Variants in TSPAN18 observed in about 807,000 individuals in gnomAD.
TSPAN18 encodes tetraspanin 18.
In TSPAN18, 14 loss-of-function variants were observed where a neutral mutation model predicts 27.3. The ratio of observed to expected loss-of-function variants is 0.51; its 90% CI spans 0.34 to 0.80. The LOEUF (loss-of-function observed/expected upper bound fraction) is 0.80. Ranked by LOEUF, TSPAN18 falls within the 30% of genes least tolerant of loss-of-function variation. TSPAN18 has a pLI of 0.01. For missense variants in TSPAN18, 268 were observed against 323.9 expected, an observed-to-expected ratio of 0.83 and a Z score of 1.32; for synonymous variants, 143 against 136.5, an observed-to-expected ratio of 1.05 and a Z score of -0.33.
chr11:44,807,818 C>T (rs899226593), intron 2 of TSPAN18, among the ~76,000 whole-genome samples: 1 of 152,202 alleles, frequency 6.6e-6, no homozygotes, highest in African/African-American at 2.4e-5. Flanking sequence ...TGTGGCCCAG[C>T]TGAACATCCC....
At chr11:44,816,503 C>T (rs759214063) in intron 2 of TSPAN18, among the ~76,000 whole-genome samples, 1 of 152,132 alleles carries the variant, frequency 6.6e-6, no homozygotes, top group Non-Finnish European at 1.5e-5. Flanking sequence ...GACACCAGGC[C>T]CTGGTGCTCA....
chr11:44,744,637 G>T (rs1343689048), intron 1 of TSPAN18, among the ~76,000 whole-genome samples: 1 of 152,220 alleles, frequency 6.6e-6, no homozygotes, highest in Admixed American at 6.5e-5. Context: ...ACAAGCCAGG[G>T]TTGGGATAAA....
At chr11:44,853,309 G>A (rs1317582668) in intron 2 of TSPAN18, among the ~76,000 whole-genome samples, 5 of 152,114 alleles carry the variant, frequency 3.3e-5, no homozygotes, top group Non-Finnish European at 5.9e-5. Context: ...GTGGGGAGAA[G>A]GGAGGGGCCT....
At chr11:44,864,002 A>G (rs758019436) in intron 3 of TSPAN18, among the ~76,000 whole-genome samples, 7 of 152,016 alleles carry the variant, frequency 4.6e-5, no homozygotes, top group Non-Finnish European at 1.0e-4. Flanking sequence ...AAACTTGGTG[A>G]TGGGGACCGG....
chr11:44,798,388 A>G (rs1237479794), intron 2 of TSPAN18, among the ~76,000 whole-genome samples: 1 of 152,150 alleles, frequency 6.6e-6, no homozygotes, highest in Non-Finnish European at 1.5e-5. Flanking sequence ...GGAAAGCAAG[A>G]CTTGGAGGAT....
chr11:44,882,026 A>G (rs1216870037), intron 3 of TSPAN18, among the ~76,000 whole-genome samples: 2 of 152,130 alleles, frequency 1.3e-5, no homozygotes, highest in African/African-American at 2.4e-5. Flanking sequence ...AGTGTGGCCC[A>G]TCTTCTTAGG....
At chr11:44,831,903 G>A (rs1857162224) in intron 2 of TSPAN18, among the ~76,000 whole-genome samples, 1 of 152,154 alleles carries the variant, frequency 6.6e-6, no homozygotes, top group African/African-American at 2.4e-5. Flanking sequence ...ATGAAATGGA[G>A]GGAGCTGAGC....
At chr11:44,888,389 C>T (rs1210083794) in intron 3 of TSPAN18, among the ~76,000 whole-genome samples, 4 of 152,108 alleles carry the variant, frequency 2.6e-5, no homozygotes, top group South Asian at 2.1e-4. Context: ...TCCTGGCACA[C>T]GTGAAGCAGG....
intron 3 of TSPAN18, among the ~76,000 whole-genome samples, chr11:44,869,540 C>T (rs781347288): frequency 1.3e-5 from 2 of 152,234 alleles, no homozygotes; most frequent in African/African-American, 4.8e-5. Context: ...ACATGTCCCA[C>T]GTCCAATAGT....
At chr11:44,809,423 C>A (rs1670317) in intron 2 of TSPAN18, among the ~76,000 whole-genome samples, 50,752 of 152,024 alleles carry the variant, frequency 0.33, 9,103 homozygotes, top group East Asian at 0.68. Flanking sequence ...CAAAAGGATT[C>A]AAATCTGAAA....
intron 3 of TSPAN18, among the ~76,000 whole-genome samples, chr11:44,895,865 C>A (rs1353251916): frequency 1.3e-5 from 2 of 152,188 alleles, no homozygotes; most frequent in Non-Finnish European, 2.9e-5. Context: ...AAACCCATCA[C>A]CCCGTCCTTG....
intron 3 of TSPAN18, among the ~76,000 whole-genome samples, chr11:44,894,000 T>C (rs1396403269): frequency 6.6e-6 from 1 of 152,144 alleles, no homozygotes. Flanking sequence ...TGATTGAGTC[T>C]CACTAGACTT....
At chr11:44,736,639 G>A (rs551091226) in intron 1 of TSPAN18, 9 of 152,342 alleles carry the variant, frequency 5.9e-5, no homozygotes, top group African/African-American at 1.9e-4. Flanking sequence ...GGGCCCTGAA[G>A]GGTCTAGGGA....
At chr11:44,782,673 G>A (rs1383475662) in intron 2 of TSPAN18, among the ~76,000 whole-genome samples, 2 of 152,042 alleles carry the variant, frequency 1.3e-5, no homozygotes, top group African/African-American at 4.8e-5. Context: ...GTCAATGCTT[G>A]CTATGGTCAG....
At chr11:44,847,895 G>A (rs1301732578) in intron 2 of TSPAN18, among the ~76,000 whole-genome samples, 2 of 151,694 alleles carry the variant, frequency 1.3e-5, no homozygotes, top group African/African-American at 2.4e-5. Flanking sequence ...GTGCAATGGC[G>A]TGATCTCAGC....
intron 2 of TSPAN18, among the ~76,000 whole-genome samples, chr11:44,839,934 C>A (rs2135162767): frequency 6.6e-6 from 1 of 152,256 alleles, no homozygotes; most frequent in Non-Finnish European, 1.5e-5. Context: ...ATCCTAGATG[C>A]CACACCCAGG....
intron 1 of TSPAN18, among the ~76,000 whole-genome samples, chr11:44,746,494 C>T (rs1379714449): frequency 6.6e-6 from 1 of 152,190 alleles, no homozygotes; most frequent in East Asian, 1.9e-4. Context: ...GTAGCTCATG[C>T]CTGTAATCCT....
chr11:44,866,638 C>T (rs921609506), intron 3 of TSPAN18, among the ~76,000 whole-genome samples: 4 of 152,200 alleles, frequency 2.6e-5, no homozygotes, highest in African/African-American at 4.8e-5. Context: ...AGAGCTGTTC[C>T]GGGAACAGGG....
chr11:44,777,683 A>G (rs1375440865), intron 2 of TSPAN18, among the ~76,000 whole-genome samples: 1 of 152,062 alleles, frequency 6.6e-6, no homozygotes, highest in African/African-American at 2.4e-5. Context: ...AAATGAATTC[A>G]TTCTCTCTCC....
Sources: gnomAD v4.1 joint callset for allele counts (sites outside exome capture counted in the v4.1 genomes callset) on GRCh38, gnomAD v4.1.1 for gene constraint, MANE v1.5 for transcripts, NCBI Gene and HGNC (gene_info 2026-07-23, HGNC 2026-07-21) for gene names.